The following TM4SF4 variants were observed in gnomAD, a reference collection of about 807,000 sequenced individuals.
TM4SF4 encodes transmembrane 4 L six family member 4, also known as transmembrane 4 L6 family member 4.
Under a neutral mutation model 24.1 loss-of-function variants are expected in TM4SF4, and 24 were observed. The ratio of observed to expected loss-of-function variants is 1.00; its 90% confidence interval spans 0.72 to 1.40. The LOEUF (loss-of-function observed/expected upper bound fraction) is 1.40. Among genes scored for constraint, TM4SF4 ranks in the 40% most tolerant of loss-of-function variants. TM4SF4 has a pLI of 0.00. For missense variants in TM4SF4, 254 were observed against 254.2 expected (o/e 1.00, Z 0.01); for synonymous variants, 113 against 97.0 (o/e 1.17, Z -0.97).
At chr3:149,495,185 G>A in intron 3 of TM4SF4, 1 of 196,746 alleles carries the variant, frequency 5.1e-6, no homozygotes, top group Non-Finnish European at 1.1e-5. Flanking sequence ...AAGAAAATTG[G>A]CTACAACCCC....
chr3:149,493,686 C>G (rs1317551202), intron 3 of TM4SF4, among the ~76,000 whole-genome samples: 1 of 152,212 alleles, frequency 6.6e-6, no homozygotes, highest in Non-Finnish European at 1.5e-5. Flanking sequence ...GACAGTGGCA[C>G]ATGGTCTTTG....
intron 3 of TM4SF4, chr3:149,495,742 G>T: frequency 4.3e-6 from 1 of 233,262 alleles, no homozygotes. Context: ...AGTTTGCTGA[G>T]CTGAAGGAAA....
chr3:149,486,659 C>A (rs1451359677), intron 2 of TM4SF4, among the ~76,000 whole-genome samples: 1 of 152,072 alleles, frequency 6.6e-6, no homozygotes, highest in African/African-American at 2.4e-5. Context: ...ATCTGTTTTT[C>A]ATTAATCTCC....
At chr3:149,486,303 T>C (rs1476879247) in intron 2 of TM4SF4, among the ~76,000 whole-genome samples, 1 of 152,160 alleles carries the variant, frequency 6.6e-6, no homozygotes, top group Non-Finnish European at 1.5e-5. Context: ...ATGATAAAAC[T>C]AAGGCTCTGA....
chr3:149,491,941 T>C (rs1734218116), intron 3 of TM4SF4, among the ~76,000 whole-genome samples: 2 of 152,112 alleles, frequency 1.3e-5, no homozygotes, highest in Admixed American at 1.3e-4. Context: ...CCACACGATG[T>C]GGTGAGACTG....
At chr3:149,480,270 C>T (rs1451220636) in intron 2 of TM4SF4, among the ~76,000 whole-genome samples, 1 of 152,112 alleles carries the variant, frequency 6.6e-6, no homozygotes, top group Non-Finnish European at 1.5e-5. Flanking sequence ...AAATGGATCT[C>T]TTGGGGCGCA....
intron 3 of TM4SF4, among the ~76,000 whole-genome samples, 153 bp from the exon 4 acceptor site, chr3:149,498,569 T>G (rs1412988811): frequency 6.6e-6 from 1 of 152,234 alleles, no homozygotes; most frequent in East Asian, 1.9e-4. Context: ...CTGTACATTT[T>G]GTGGTATTTA....
intron 1 of TM4SF4, 128 bp downstream of exon 1, chr3:149,475,179 A>C: frequency 9.9e-7 from 1 of 1,013,260 alleles, no homozygotes; most frequent in Non-Finnish European, 1.4e-6. Flanking sequence ...GCATGGTGAG[A>C]GGTCAATGCC....
At chr3:149,497,367 C>T (rs566732011) in intron 3 of TM4SF4, among the ~76,000 whole-genome samples, 1 of 152,306 alleles carries the variant, frequency 6.6e-6, no homozygotes, top group South Asian at 2.1e-4. Context: ...TGAATCAATG[C>T]TATAAACAAT....
At chr3:149,488,420 T>G (rs1734157180) in intron 3 of TM4SF4, among the ~76,000 whole-genome samples, 1 of 152,236 alleles carries the variant, frequency 6.6e-6, no homozygotes, top group Non-Finnish European at 1.5e-5. Context: ...AGTCACATTG[T>G]TAGTTGAGGA....
chr3:149,502,940 T>G lies in TM4SF4; in HGVS notation c.*247T>G. 1 of 444,168 alleles carries G rather than the reference T, an allele frequency of 2.3e-6. No homozygotes were observed. Among genetic ancestry groups the G allele is most frequent in the Non-Finnish European group, 4.0e-6 (1 of 250,812 alleles). The allele number at this position is 444,168 out of a possible 1,614,324, so 27.5% of individuals were successfully genotyped here. Reference sequence around the variant, plus strand: ...CTTTCAAATTAGTTCCTTTTTAGAATTTACCAACAGGTTCAAAGCATACTT... The same window carrying G: ...CTTTCAAATTAGTTCCTTTTTAGAAGTTACCAACAGGTTCAAAGCATACTT... On this transcript the variant is annotated 3_prime_UTR_variant, in exon 5 of 5. Coordinates refer to ENST00000305354, the MANE Select transcript of TM4SF4 (RefSeq NM_004617.4).
chr3:149,491,512 TACAC>T (rs1333444206), intron 3 of TM4SF4, among the ~76,000 whole-genome samples: 1 of 151,470 alleles, frequency 6.6e-6, no homozygotes, highest in Non-Finnish European at 1.5e-5. Context: ...TATATATATA[TACAC>T]ACACACACAT....
At chr3:149,486,943 T>C (rs1005513210) in intron 2 of TM4SF4, among the ~76,000 whole-genome samples, 1 of 152,174 alleles carries the variant, frequency 6.6e-6, no homozygotes, top group Admixed American at 6.5e-5. Context: ...AGCAGGATAA[T>C]TTGACCAGAA....
Position 149,475,921 on chromosome 3 carries a change from C to A in TM4SF4, c.264+9C>A, listed in dbSNP as rs535704725. ...GTGGGAAGCGATTTGCGGTGAGTTACCATGGGGGGCAGCTACTAGAATTAC... is the reference window on the plus strand; with the variant it reads ...GTGGGAAGCGATTTGCGGTGAGTTAACATGGGGGGCAGCTACTAGAATTAC... On this transcript the variant is annotated intron_variant, in intron 2 of 4. Transcript: ENST00000305354. 1 of 1,606,314 alleles carries A rather than the reference C, an allele frequency of 6.2e-7. No individual in the cohort carries two copies. The highest frequency in any genetic ancestry group is 8.5e-7 in the Non-Finnish European group (1 of 1,175,766).
intron 3 of TM4SF4, among the ~76,000 whole-genome samples, chr3:149,496,660 C>T (rs1250355142): frequency 4.0e-5 from 6 of 151,708 alleles, no homozygotes; most frequent in Non-Finnish European, 8.8e-5. Flanking sequence ...CCCAGCTACT[C>T]GGGAAACTGA....
At chr3:149,497,161 TA>T (rs1163569128) in intron 3 of TM4SF4, among the ~76,000 whole-genome samples, 1 of 152,214 alleles carries the variant, frequency 6.6e-6, no homozygotes, top group Non-Finnish European at 1.5e-5. Context: ...CTGCTTAGAT[TA>T]AGTAAAATAA....
intron 3 of TM4SF4, chr3:149,496,063 C>G (rs1478677264): frequency 5.2e-6 from 1 of 194,158 alleles, no homozygotes; most frequent in African/African-American, 2.3e-5. Context: ...GAAGAATGAC[C>G]TCAGAACTGT....
At chr3:149,495,844 T>G in intron 3 of TM4SF4, 1 of 186,352 alleles carries the variant, frequency 5.4e-6, no homozygotes, top group East Asian at 1.7e-4. Context: ...GAAGCCCATG[T>G]GTGTTGAGAG....
chr3:149,496,946 G>A (rs1186272840), intron 3 of TM4SF4, among the ~76,000 whole-genome samples: 2 of 152,096 alleles, frequency 1.3e-5, no homozygotes, highest in Non-Finnish European at 2.9e-5. Flanking sequence ...AGCCAAGGTG[G>A]GAGGACTGAC....
Sources: allele counts gnomAD v4.1 joint callset (sites outside exome capture counted in the v4.1 genomes callset), GRCh38; gene constraint gnomAD v4.1.1; transcripts MANE v1.5; gene names NCBI Gene and HGNC (gene_info 2026-07-23, HGNC 2026-07-21).